AKAP19: variants seen among roughly 807,000 people sequenced by gnomAD.
The protein encoded by AKAP19 is A-kinase anchoring protein 19.
chr2:189,953,325 T>G, the AKAP19 span, among the ~76,000 whole-genome samples: 2 of 152,120 alleles, frequency 1.3e-5, no homozygotes, highest in Admixed American at 1.3e-4. Flanking sequence ...TAGTACATAT[T>G]GAGCACTGTT....
chr2:190,182,265 C>T, the AKAP19 span, among the ~76,000 whole-genome samples: 1 of 152,158 alleles, frequency 6.6e-6, no homozygotes, highest in Non-Finnish European at 1.5e-5. Context: ...CTCATTAGTC[C>T]TACCTGGCCA....
the AKAP19 span, among the ~76,000 whole-genome samples, chr2:190,010,892 C>T: frequency 6.6e-6 from 1 of 151,992 alleles, no homozygotes; most frequent in Middle Eastern, 3.2e-3. Context: ...CTTTGACCAA[C>T]ATCTCAGTTT....
the AKAP19 span, among the ~76,000 whole-genome samples, chr2:189,939,952 C>T: frequency 6.6e-6 from 1 of 151,732 alleles, no homozygotes; most frequent in Non-Finnish European, 1.5e-5. Flanking sequence ...CGAGACCAGC[C>T]TGACCAACAA....
chr2:190,020,065 G>A, the AKAP19 span, among the ~76,000 whole-genome samples: 524 of 152,262 alleles, frequency 3.4e-3, 5 homozygotes, highest in Non-Finnish European at 2.8e-3. Flanking sequence ...TTGCTTAGTA[G>A]TTTTGCTGAA....
the AKAP19 span, chr2:190,200,015 C>T: frequency 6.2e-7 from 1 of 1,614,054 alleles, no homozygotes; most frequent in South Asian, 1.1e-5. Context: ...AAGGAACCTC[C>T]AGGGACCAAT....
At chr2:190,065,566 C>G in the AKAP19 span, among the ~76,000 whole-genome samples, 2 of 152,068 alleles carry the variant, frequency 1.3e-5, no homozygotes, top group African/African-American at 4.8e-5. Context: ...GTGCTGCTGG[C>G]TGTGAGTTCA....
the AKAP19 span, among the ~76,000 whole-genome samples, chr2:189,913,685 A>G: frequency 6.6e-6 from 1 of 152,106 alleles, no homozygotes; most frequent in Non-Finnish European, 1.5e-5. Flanking sequence ...TAGCTTAAAC[A>G]TAGTGAATTT....
chr2:189,972,896 C>G, the AKAP19 span, among the ~76,000 whole-genome samples: 1 of 152,062 alleles, frequency 6.6e-6, no homozygotes, highest in African/African-American at 2.4e-5. Flanking sequence ...AGATGATGGG[C>G]TTTTCTAAAT....
At chr2:189,959,801 A>C in the AKAP19 span, among the ~76,000 whole-genome samples, 2 of 152,238 alleles carry the variant, frequency 1.3e-5, no homozygotes. Flanking sequence ...AAAATATTTC[A>C]TGATTCATTA....
At chr2:190,097,877 A>AAAAG in the AKAP19 span, among the ~76,000 whole-genome samples, 14 of 147,696 alleles carry the variant, frequency 9.5e-5, no homozygotes, top group African/African-American at 3.6e-4. Flanking sequence ...AAAAAAAAAA[A>AAAAG]AAAAGAAAAG....
At chr2:190,087,746 A>G in the AKAP19 span, among the ~76,000 whole-genome samples, 5 of 152,234 alleles carry the variant, frequency 3.3e-5, no homozygotes, top group African/African-American at 1.2e-4. Context: ...CACCCTGCTC[A>G]GGGGCATCCT....
the AKAP19 span, among the ~76,000 whole-genome samples, chr2:190,148,036 G>A: frequency 6.6e-6 from 1 of 152,068 alleles, no homozygotes; most frequent in African/African-American, 2.4e-5. Flanking sequence ...AGGACTTCCA[G>A]TACTGTGTTG....
chr2:190,188,742 A>T, the AKAP19 span, among the ~76,000 whole-genome samples: 1 of 152,194 alleles, frequency 6.6e-6, no homozygotes, highest in South Asian at 2.1e-4. Flanking sequence ...AAGTATTTAA[A>T]CAGCTGCTAT....
chr2:189,909,487 T>C, the AKAP19 span, among the ~76,000 whole-genome samples: 1 of 152,066 alleles, frequency 6.6e-6, no homozygotes, highest in East Asian at 1.9e-4. Flanking sequence ...GTGGTTTGCT[T>C]TGATTTGTTT....
At chr2:189,958,129 G>T in the AKAP19 span, among the ~76,000 whole-genome samples, 1 of 152,116 alleles carries the variant, frequency 6.6e-6, no homozygotes, top group Non-Finnish European at 1.5e-5. Flanking sequence ...TATTTGCTAC[G>T]TATAATTGAC....
At chr2:189,923,862 A>G in the AKAP19 span, 802 of 1,611,128 alleles carry the variant, frequency 5.0e-4, 2 homozygotes, top group Non-Finnish European at 6.5e-4. Flanking sequence ...GGAAAGTTGA[A>G]AGGAGATGAC....
chr2:189,983,588 T>C, the AKAP19 span, among the ~76,000 whole-genome samples: 2 of 152,214 alleles, frequency 1.3e-5, no homozygotes, highest in East Asian at 3.8e-4. Flanking sequence ...CAGGCATAGG[T>C]GCTGCCCACT....
chr2:190,005,389 T>G, the AKAP19 span, among the ~76,000 whole-genome samples: 8 of 152,234 alleles, frequency 5.3e-5, no homozygotes, highest in South Asian at 1.0e-3. Flanking sequence ...GCATTTACAA[T>G]CCTTTAGCTA....
chr2:189,947,178 AC>A, the AKAP19 span, among the ~76,000 whole-genome samples: 7 of 152,312 alleles, frequency 4.6e-5, no homozygotes, highest in African/African-American at 1.7e-4. Context: ...GCACTATTAG[AC>A]CCAACAATTG....
Sources: allele counts gnomAD v4.1 joint callset (sites outside exome capture counted in the v4.1 genomes callset), GRCh38; gene constraint gnomAD v4.1.1; transcripts MANE v1.5; gene names NCBI Gene and HGNC (gene_info 2026-07-23, HGNC 2026-07-21).